Variants in BBS9 observed in about 807,000 individuals in gnomAD.
The protein encoded by BBS9 is Bardet-Biedl syndrome 9, also known as protein PTHB1.
In BBS9, 89 loss-of-function variants were observed where a neutral mutation model predicts 117.7. That is an observed-to-expected ratio of 0.76 (90% CI 0.64 to 0.90). BBS9 has a LOEUF of 0.90. Ranked by LOEUF, BBS9 falls within the 40% of genes least tolerant of loss-of-function variation. The pLI, the probability that BBS9 is intolerant of heterozygous loss-of-function variation, is 0.00. For synonymous variants in BBS9, 379 were observed against 370.9 expected, an observed-to-expected ratio of 1.02 and a Z score of -0.25; for missense variants, 982 against 1,042.2, an observed-to-expected ratio of 0.94 and a Z score of 0.80.
At chr7:33,459,858 A>C (rs949594077) in intron 19 of BBS9, among the ~76,000 whole-genome samples, 2 of 152,172 alleles carry the variant, frequency 1.3e-5, no homozygotes, top group African/African-American at 4.8e-5. Flanking sequence ...ACCATATATT[A>C]TATAAGTGTA....
At chr7:33,514,286 G>A (rs958704106) in intron 20 of BBS9, among the ~76,000 whole-genome samples, 8 of 152,140 alleles carry the variant, frequency 5.3e-5, no homozygotes, top group Non-Finnish European at 1.0e-4. Flanking sequence ...GTGGCCATTC[G>A]GATTTGATTT....
intron 9 of BBS9, among the ~76,000 whole-genome samples, chr7:33,328,683 T>C (rs543354620): frequency 2.0e-5 from 3 of 152,346 alleles, no homozygotes; most frequent in Admixed American, 2.0e-4. Flanking sequence ...GTTCCTATTT[T>C]GCATAAAATG....
chr7:33,556,353 C>A (rs568689050), intron 21 of BBS9, among the ~76,000 whole-genome samples: 1 of 152,274 alleles, frequency 6.6e-6, no homozygotes, highest in South Asian at 2.1e-4. Context: ...GGGTGATGAG[C>A]CCTTGAGAGT....
At chr7:33,180,182 C>T (rs1797895821) in intron 5 of BBS9, among the ~76,000 whole-genome samples, 1 of 152,066 alleles carries the variant, frequency 6.6e-6, no homozygotes. Context: ...TTAAAATAGC[C>T]AATCAGAATT....
At chr7:33,387,240 A>T (rs527930002) in intron 18 of BBS9, among the ~76,000 whole-genome samples, 2 of 152,184 alleles carry the variant, frequency 1.3e-5, no homozygotes, top group Admixed American at 1.3e-4. Context: ...ATACATTTCT[A>T]GAAGTGGGAT....
intron 19 of BBS9, among the ~76,000 whole-genome samples, chr7:33,416,385 T>C (rs1032529002): frequency 6.6e-6 from 1 of 151,542 alleles, no homozygotes; most frequent in Non-Finnish European, 1.5e-5. Context: ...CTTTTTGTAG[T>C]TTTTGTAAAA....
intron 21 of BBS9, among the ~76,000 whole-genome samples, chr7:33,620,892 C>T (rs1041295696): frequency 4.6e-5 from 7 of 152,122 alleles, no homozygotes; most frequent in African/African-American, 1.7e-4. Context: ...AATACAGAAA[C>T]ACTGACCAAT....
intron 9 of BBS9, among the ~76,000 whole-genome samples, chr7:33,313,048 T>C (rs1809637871): frequency 6.6e-6 from 1 of 151,624 alleles, no homozygotes; most frequent in African/African-American, 2.4e-5. Flanking sequence ...TGTGTGTGTG[T>C]GTGTGTGTGT....
intron 19 of BBS9, among the ~76,000 whole-genome samples, chr7:33,410,524 C>T (rs937252390): frequency 2.7e-4 from 41 of 152,192 alleles, no homozygotes; most frequent in African/African-American, 9.6e-4. Context: ...ACCTTATATT[C>T]TGTCTTGTCA....
At chr7:33,617,287 A>G (rs1865188960) in intron 21 of BBS9, among the ~76,000 whole-genome samples, 1 of 152,162 alleles carries the variant, frequency 6.6e-6, no homozygotes, top group Admixed American at 6.6e-5. Flanking sequence ...AAGGGAATGG[A>G]GAAGTATATA....
At position 33,153,853 on chromosome 7, in the gene BBS9, C is replaced by A. The variant is rs935906803; in HGVS notation, c.263+1002C>A. 5.9e-5 allele frequency among the ~76,000 whole-genome samples: 9 copies of A among 152,286 alleles called. No individual in the cohort carries two copies. The South Asian group carries it at 1.7e-3, about 28-fold the overall frequency. ...GGTAAATATCTACTCCATCTAAAAG[C>A]AGATGGTGATTAGGTTCCCATCATG... On this transcript the variant is annotated intron_variant, in intron 3 of 22. Coordinates refer to ENST00000242067, the MANE Select transcript of BBS9 (RefSeq NM_198428.3).
At chr7:33,605,161 C>A (rs1864408765) in intron 22 of BBS9, 34 bp from the exon 23 acceptor site, 8 of 1,591,248 alleles carry the variant, frequency 5.0e-6, no homozygotes, top group Non-Finnish European at 3.5e-6. Context: ...CAGATCTTTT[C>A]TCTCTCTTTC....
intron 9 of BBS9, among the ~76,000 whole-genome samples, chr7:33,291,084 A>C (rs1046075717): frequency 5.9e-5 from 9 of 152,090 alleles, no homozygotes. Flanking sequence ...ATTTTTATTT[A>C]TTTGTGCCTG....
intron 19 of BBS9, among the ~76,000 whole-genome samples, chr7:33,452,467 A>G (rs142446119): frequency 7.2e-5 from 11 of 152,236 alleles, no homozygotes; most frequent in Non-Finnish European, 1.2e-4. Flanking sequence ...AGTGCTGTAT[A>G]TCCTCACTTG....
chr7:33,397,239 A>T (rs1828134609), intron 19 of BBS9, among the ~76,000 whole-genome samples: 1 of 152,220 alleles, frequency 6.6e-6, no homozygotes, highest in Non-Finnish European at 1.5e-5. Flanking sequence ...ACTGATCATT[A>T]GAGAAATGTA....
chr7:33,269,596 C>T (rs1380650447), intron 7 of BBS9, among the ~76,000 whole-genome samples: 1 of 152,080 alleles, frequency 6.6e-6, no homozygotes, highest in East Asian at 1.9e-4. Flanking sequence ...CTGTGATTTA[C>T]AGCCAGCACA....
intron 5 of BBS9, among the ~76,000 whole-genome samples, chr7:33,198,800 G>C (rs1785352364): frequency 6.6e-6 from 1 of 151,892 alleles, no homozygotes; most frequent in Non-Finnish European, 1.5e-5. Context: ...AATTTTATTA[G>C]GTGTTAGACA....
intron 19 of BBS9, among the ~76,000 whole-genome samples, chr7:33,503,954 A>G (rs1298365726): frequency 6.6e-6 from 1 of 152,242 alleles, no homozygotes; most frequent in Non-Finnish European, 1.5e-5. Context: ...TCTGGCCCAC[A>G]GTAATCCGTC....
At chr7:33,179,613 AG>A (rs570143052) in intron 5 of BBS9, among the ~76,000 whole-genome samples, 229 of 152,184 alleles carry the variant, frequency 1.5e-3, no homozygotes, top group Admixed American at 4.3e-3. Context: ...AAACAAGCTC[AG>A]GGCTTCTACT....
Sources: gnomAD v4.1 joint callset for allele counts (sites outside exome capture counted in the v4.1 genomes callset) on GRCh38, gnomAD v4.1.1 for gene constraint, MANE v1.5 for transcripts, NCBI Gene and HGNC (gene_info 2026-07-23, HGNC 2026-07-21) for gene names.